ACTR3B: variants seen among roughly 807,000 people sequenced by gnomAD.
ACTR3B encodes the protein actin related protein 3B, also known as actin-related protein 3B.
A neutral mutation model predicts 59.0 loss-of-function variants in ACTR3B; 8 were observed. The ratio of observed to expected loss-of-function variants is 0.14; its 90% CI spans 0.08 to 0.24. The LOEUF is 0.24. Ranked by LOEUF, ACTR3B falls within the 10% of genes least tolerant of loss-of-function variation. The pLI, the probability that ACTR3B is intolerant of heterozygous loss-of-function variation, is 1.00. For synonymous variants in ACTR3B, 148 were observed against 197.9 expected, an observed-to-expected ratio of 0.75 and a Z score of 2.12; for missense variants, 245 against 552.3, an observed-to-expected ratio of 0.44 and a Z score of 5.58.
intron 9 of ACTR3B, among the ~76,000 whole-genome samples, chr7:152,847,656 A>G (rs2116998881): frequency 6.6e-6 from 1 of 152,332 alleles, no homozygotes; most frequent in African/African-American, 2.4e-5. Flanking sequence ...AGAAGAGCGC[A>G]GCAGGGTCAG....
chr7:152,790,283 C>A (rs2098191238), intron 2 of ACTR3B, among the ~76,000 whole-genome samples: 1 of 152,200 alleles, frequency 6.6e-6, no homozygotes, highest in Admixed American at 6.5e-5. Flanking sequence ...GTGAGCCACC[C>A]CACCTACTCT....
rs1476184288 is a variant in ACTR3B at position 152,823,421 on chromosome 7, A to G, written c.764A>G (p.Gln255Arg). 2 of 1,614,260 alleles carry G rather than the reference A, an allele frequency of 1.2e-6. No homozygotes were observed. The highest frequency in any genetic ancestry group is 1.7e-6 in the Non-Finnish European group (2 of 1,180,044). The stretch of plus-strand genomic sequence containing the variant: ...GTGGATCCCCGGAAGTGGATCAAAC[A>G]GTACACGGGTATCAATGCGATCAAC... The part of the protein sequence containing the change: ...YDVDPRKWIK[Q>R]YTGINAINQK... The change falls in exon 8 of 12, where the codon CAG (glutamine) becomes CGG (arginine). Residue 255 changes from glutamine to arginine, a missense_variant. Gln to Arg is a conservative substitution (Grantham distance 43, BLOSUM62 1). Around this residue, in one of 7 missense-constraint regions of ACTR3B, gnomAD observed 153 missense variants for 266.2 expected, o/e 0.57. Transcript: ENST00000256001.
intron 1 of ACTR3B, among the ~76,000 whole-genome samples, chr7:152,774,582 G>A (rs1365885280): frequency 6.6e-6 from 1 of 152,050 alleles, no homozygotes; most frequent in Non-Finnish European, 1.5e-5. Flanking sequence ...ACTTTAACTG[G>A]AAGTCAGAGT....
At chr7:152,785,481 G>GAGAGGGAGAC (rs2098170445) in intron 2 of ACTR3B, among the ~76,000 whole-genome samples, 2 of 13,654 alleles carry the variant, frequency 1.5e-4, no homozygotes, top group African/African-American at 1.5e-3. Context: ...GAGGGAGAGA[G>GAGAGGGAGAC]AGAGAGAGAG....
chr7:152,820,493 C>T (rs565306479), intron 7 of ACTR3B, 51 bp downstream of exon 7: 3 of 1,567,630 alleles, frequency 1.9e-6, no homozygotes, highest in East Asian at 2.3e-5. Context: ...AGATGGTGTT[C>T]TGGACACTTC....
chr7:152,821,991 C>T (rs913399858), intron 7 of ACTR3B, among the ~76,000 whole-genome samples: 3 of 152,238 alleles, frequency 2.0e-5, no homozygotes, highest in African/African-American at 7.2e-5. Context: ...TCCTAGCAAG[C>T]ATTTGAGTTA....
intron 2 of ACTR3B, among the ~76,000 whole-genome samples, chr7:152,792,189 C>G (rs2098198876): frequency 6.6e-6 from 1 of 152,062 alleles, no homozygotes; most frequent in Non-Finnish European, 1.5e-5. Flanking sequence ...GCCTGGCCCC[C>G]CATTTCTAAT....
chr7:152,759,854 G>A lies in ACTR3B; in HGVS notation c.-29G>A. 4.0e-6 allele frequency: 5 copies of A among 1,263,000 alleles called. No individual in the cohort carries two copies. The highest frequency in any genetic ancestry group is 5.0e-6 in the Non-Finnish European group (5 of 1,000,428). 78.2% of individuals were successfully genotyped at this position (1,263,000 alleles called of 1,614,324 possible). A position where few individuals can be genotyped will look rare whatever the true frequency, so the allele number is the denominator to read the frequency against. On this transcript the variant is annotated 5_prime_UTR_variant, in exon 1 of 12. Transcript: ENST00000256001. ...GGCGACGGGGCGCTCTCGGGCTGCCGGCGGGGCCGAGCGCCGCGCGTCCCG... is the reference window on the plus strand; with the variant it reads ...GGCGACGGGGCGCTCTCGGGCTGCCAGCGGGGCCGAGCGCCGCGCGTCCCG...
At chr7:152,790,001 T>TC (rs1332012316) in intron 2 of ACTR3B, among the ~76,000 whole-genome samples, 10 of 149,712 alleles carry the variant, frequency 6.7e-5, no homozygotes, top group Non-Finnish European at 1.5e-4. Flanking sequence ...CTCTTTCTTT[T>TC]TTTTTTTTTT....
chr7:152,794,498 G>A (rs2098208992), intron 2 of ACTR3B, among the ~76,000 whole-genome samples: 1 of 152,226 alleles, frequency 6.6e-6, no homozygotes, highest in Admixed American at 6.5e-5. Context: ...TTACAGGCGT[G>A]AGCCACTGTG....
intron 1 of ACTR3B, among the ~76,000 whole-genome samples, chr7:152,769,124 A>AT (rs2098118237): frequency 6.6e-6 from 1 of 152,082 alleles, no homozygotes; most frequent in African/African-American, 2.4e-5. Flanking sequence ...AAGTGCTGGG[A>AT]TTACAGGGGT....
chr7:152,816,042 G>A, intron 5 of ACTR3B, among the ~76,000 whole-genome samples: 1 of 152,072 alleles, frequency 6.6e-6, no homozygotes, highest in Non-Finnish European at 1.5e-5. Flanking sequence ...GACCTTCTGG[G>A]ATGAAGGGAT....
Position 152,854,791 on chromosome 7 carries a change from TC to T in ACTR3B, c.*240del. The T allele has an allele frequency of 2.2e-6, 1 of 464,742 alleles. No individual in the cohort carries two copies. The highest frequency in any genetic ancestry group is 3.9e-6 in the Non-Finnish European group (1 of 258,476). 28.8% of individuals were successfully genotyped at this position (464,742 alleles called of 1,614,324 possible). A position where few individuals can be genotyped will look rare whatever the true frequency, so the allele number is the denominator to read the frequency against. ...CCCTCCTCACCCTCGCTCTCCCTCCTCCTCCTCCTCCGAGCTGCTAGCTGAC... is the reference window on the plus strand; with the variant it reads ...CCCTCCTCACCCTCGCTCTCCCTCCTCTCCTCCTCCGAGCTGCTAGCTGAC... On this transcript the variant is annotated 3_prime_UTR_variant, in exon 12 of 12. Coordinates refer to ENST00000256001, the MANE Select transcript of ACTR3B (RefSeq NM_020445.6). The surrounding 1 kb of genome is among the most constrained non-coding windows in gnomAD (Gnocchi z 4.9).
At chr7:152,794,151 A>G (rs2098207187) in intron 2 of ACTR3B, among the ~76,000 whole-genome samples, 1 of 152,160 alleles carries the variant, frequency 6.6e-6, no homozygotes, top group African/African-American at 2.4e-5. Flanking sequence ...CTTCCTCTAT[A>G]GTTGTTAAAA....
At chr7:152,817,824 A>G in intron 6 of ACTR3B, among the ~76,000 whole-genome samples, 1 of 152,248 alleles carries the variant, frequency 6.6e-6, no homozygotes, top group Non-Finnish European at 1.5e-5. Flanking sequence ...CATTTTGAGA[A>G]GGTGATGGGG....
At chr7:152,769,391 A>G (rs1160515437) in intron 1 of ACTR3B, among the ~76,000 whole-genome samples, 1 of 152,220 alleles carries the variant, frequency 6.6e-6, no homozygotes, top group Non-Finnish European at 1.5e-5. Flanking sequence ...GTACTTTGTC[A>G]GATATCAAGA....
chr7:152,795,955 T>G (rs1312177925), intron 2 of ACTR3B, among the ~76,000 whole-genome samples: 3 of 151,946 alleles, frequency 2.0e-5, no homozygotes, highest in East Asian at 3.9e-4. Flanking sequence ...GTGATTCTCC[T>G]GCCTCAGCCT....
intron 1 of ACTR3B, among the ~76,000 whole-genome samples, chr7:152,777,978 TCTC>T (rs2098140516): frequency 6.6e-6 from 1 of 151,922 alleles, no homozygotes; most frequent in Non-Finnish European, 1.5e-5. Flanking sequence ...TAAATTTTAA[TCTC>T]CTCTTTCTTC....
intron 2 of ACTR3B, among the ~76,000 whole-genome samples, chr7:152,797,436 T>G (rs1426110500): frequency 6.6e-6 from 1 of 152,214 alleles, no homozygotes; most frequent in Non-Finnish European, 1.5e-5. Context: ...GTTTTTATCG[T>G]GTATAATATG....
Sources: allele counts gnomAD v4.1 joint callset (sites outside exome capture counted in the v4.1 genomes callset), GRCh38; gene constraint gnomAD v4.1.1; regional missense constraint gnomAD v4.1.1; non-coding constraint Gnocchi (gnomAD v3.1); transcripts MANE v1.5; gene names NCBI Gene and HGNC (gene_info 2026-07-23, HGNC 2026-07-21).